Variants in BTBD9 observed in about 807,000 individuals in gnomAD.
The protein encoded by BTBD9 is BTB domain containing 9.
Under a neutral mutation model 64.3 loss-of-function variants are expected in BTBD9, and 49 were observed. The ratio of observed to expected loss-of-function variants is 0.76; its 90% CI spans 0.61 to 0.97. The LOEUF is 0.97. BTBD9 is among the 50% of genes least tolerant of loss of function. The pLI is 0.00. For missense variants in BTBD9, 598 were observed against 762.1 expected (o/e 0.78, Z 2.53); for synonymous variants, 260 against 274.7 (o/e 0.95, Z 0.53).
At chr6:38,241,464 T>G (rs887236079) in intron 9 of BTBD9, among the ~76,000 whole-genome samples, 1 of 152,206 alleles carries the variant, frequency 6.6e-6, no homozygotes, top group African/African-American at 2.4e-5. Flanking sequence ...GCCACATTAC[T>G]AGGAATACAA....
chr6:38,550,115 T>G (rs984511000), intron 6 of BTBD9, among the ~76,000 whole-genome samples: 1 of 152,120 alleles, frequency 6.6e-6, no homozygotes, highest in Non-Finnish European at 1.5e-5. Flanking sequence ...CCTTGGACGT[T>G]AGACATATAT....
chr6:38,329,848 G>A (rs1364669603), intron 7 of BTBD9, among the ~76,000 whole-genome samples: 1 of 151,992 alleles, frequency 6.6e-6, no homozygotes, highest in Non-Finnish European at 1.5e-5. Flanking sequence ...AGTTACTTGG[G>A]AGGCTGAAGC....
chr6:38,514,497 T>C (rs1038510643), intron 6 of BTBD9, among the ~76,000 whole-genome samples: 8 of 114,786 alleles, frequency 7.0e-5, no homozygotes, highest in South Asian at 3.3e-4. Context: ...GAATGAAATA[T>C]GTAATTTATA....
chr6:38,227,237 T>C (rs1464295485), intron 9 of BTBD9, among the ~76,000 whole-genome samples: 1 of 152,232 alleles, frequency 6.6e-6, no homozygotes, highest in African/African-American at 2.4e-5. Flanking sequence ...TCTGATTTGC[T>C]TCCAAATGAG....
intron 6 of BTBD9, among the ~76,000 whole-genome samples, chr6:38,532,048 T>C (rs1468633792): frequency 1.3e-5 from 2 of 152,150 alleles, no homozygotes; most frequent in African/African-American, 2.4e-5. Flanking sequence ...CTAAAGAGGA[T>C]AGGTGTTGAA....
At chr6:38,413,824 T>C (rs908994008) in intron 6 of BTBD9, among the ~76,000 whole-genome samples, 8 of 152,184 alleles carry the variant, frequency 5.3e-5, no homozygotes, top group Non-Finnish European at 1.2e-4. Context: ...AGCCCTTCTG[T>C]CTCACTGACC....
chr6:38,201,115 C>T (rs1471263851), intron 9 of BTBD9, among the ~76,000 whole-genome samples: 1 of 152,052 alleles, frequency 6.6e-6, no homozygotes, highest in African/African-American at 2.4e-5. Context: ...TACCCTGACA[C>T]CAAAACCTGA....
intron 6 of BTBD9, among the ~76,000 whole-genome samples, chr6:38,388,695 T>C (rs1766287685): frequency 6.6e-6 from 1 of 152,206 alleles, no homozygotes; most frequent in Non-Finnish European, 1.5e-5. Flanking sequence ...CATCAATCCT[T>C]TGGCCAGTAG....
intron 7 of BTBD9, among the ~76,000 whole-genome samples, chr6:38,338,771 C>T (rs1700031623): frequency 6.6e-6 from 1 of 152,096 alleles, no homozygotes; most frequent in Non-Finnish European, 1.5e-5. Flanking sequence ...TTACTAAAAG[C>T]ATATTCTCTA....
intron 1 of BTBD9, among the ~76,000 whole-genome samples, chr6:38,601,775 T>C (rs1024743386): frequency 6.6e-6 from 1 of 152,058 alleles, no homozygotes; most frequent in Admixed American, 6.6e-5. Context: ...TTGCAGATAA[T>C]GACTGCCCAC....
At chr6:38,370,361 T>C (rs1022050822) in intron 6 of BTBD9, among the ~76,000 whole-genome samples, 3 of 152,200 alleles carry the variant, frequency 2.0e-5, no homozygotes, top group African/African-American at 7.2e-5. Flanking sequence ...TAAAACAGAA[T>C]TGAAAACAAA....
At chr6:38,532,866 G>C (rs1031222675) in intron 6 of BTBD9, among the ~76,000 whole-genome samples, 2 of 151,632 alleles carry the variant, frequency 1.3e-5, no homozygotes, top group Non-Finnish European at 2.9e-5. Flanking sequence ...CCTTCTGCTT[G>C]AGAAAAGTGA....
chr6:38,475,923 ATTCAGTGGTCTTATTC>A (rs1255075119), intron 6 of BTBD9, among the ~76,000 whole-genome samples: 1 of 152,154 alleles, frequency 6.6e-6, no homozygotes, highest in African/African-American at 2.4e-5. Flanking sequence ...ATGGCTCTAG[ATTCAGTGGTCTTATTC>A]CCAGTCTGTT....
At chr6:38,528,609 G>A (rs1192352990) in intron 6 of BTBD9, among the ~76,000 whole-genome samples, 1 of 152,178 alleles carries the variant, frequency 6.6e-6, no homozygotes, top group African/African-American at 2.4e-5. Context: ...ATGGCACCAG[G>A]CAGAATCCTG....
chr6:38,352,801 C>A (rs539441246), intron 6 of BTBD9, among the ~76,000 whole-genome samples: 47 of 152,318 alleles, frequency 3.1e-4, no homozygotes, highest in African/African-American at 1.1e-3. Flanking sequence ...AGAATTAATT[C>A]TCTTCCTACC....
intron 6 of BTBD9, among the ~76,000 whole-genome samples, chr6:38,569,161 C>G (rs1775647874): frequency 6.6e-6 from 1 of 152,210 alleles, no homozygotes; most frequent in African/African-American, 2.4e-5. Flanking sequence ...AATGTAGAGT[C>G]TACCTTAGGT....
At chr6:38,282,183 G>A (rs903901862) in intron 8 of BTBD9, among the ~76,000 whole-genome samples, 14 of 152,022 alleles carry the variant, frequency 9.2e-5, no homozygotes, top group African/African-American at 2.9e-4. Context: ...AAGACTTCCC[G>A]TTATTTAAAT....
intron 6 of BTBD9, among the ~76,000 whole-genome samples, chr6:38,400,005 G>A (rs1766859054): frequency 1.3e-5 from 2 of 150,784 alleles, no homozygotes; most frequent in Admixed American, 6.6e-5. Context: ...CAGGTGATCC[G>A]CCCGCCTCGG....
chr6:38,322,527 A>G (rs1763278379), intron 7 of BTBD9, among the ~76,000 whole-genome samples: 1 of 152,240 alleles, frequency 6.6e-6, no homozygotes, highest in South Asian at 2.1e-4. Context: ...ATTCATTTAT[A>G]TCAATTATCT....
Sources: allele counts gnomAD v4.1 joint callset (sites outside exome capture counted in the v4.1 genomes callset), GRCh38; gene constraint gnomAD v4.1.1; transcripts MANE v1.5; gene names NCBI Gene and HGNC (gene_info 2026-07-23, HGNC 2026-07-21).